Variants in CCT6B observed in about 807,000 individuals in gnomAD.
CCT6B encodes chaperonin containing TCP1 subunit 6B, also known as probable T-complex protein 1 subunit zeta-2.
Under a neutral mutation model 61.5 loss-of-function variants are expected in CCT6B, and 49 were observed. That is an observed-to-expected ratio of 0.80 (90% CI 0.63 to 1.01). CCT6B has a LOEUF of 1.01. Ranked by LOEUF, CCT6B falls within the 50% of genes least tolerant of loss-of-function variation. The pLI, the probability that CCT6B is intolerant of heterozygous loss-of-function variation, is 0.00. For synonymous variants in CCT6B, 228 were observed against 214.5 expected (o/e 1.06, Z -0.55); for missense variants, 666 against 634.7 (o/e 1.05, Z -0.53).
intron 4 of CCT6B, among the ~76,000 whole-genome samples, chr17:34,953,136 A>G (rs965947838): frequency 4.6e-5 from 7 of 152,210 alleles, no homozygotes; most frequent in Admixed American, 6.5e-5. Context: ...TTATTAAGGT[A>G]GTATTCTGCT....
chr17:34,939,945 T>G (rs1597744528), intron 8 of CCT6B, among the ~76,000 whole-genome samples: 1 of 152,302 alleles, frequency 6.6e-6, no homozygotes, highest in African/African-American at 2.4e-5. Flanking sequence ...ATATTGCCTA[T>G]GTGAGGCTTG....
In CCT6B at chr17:34,953,318, A is replaced by AATATATATAT. The variant is rs757786280; in HGVS notation, c.510+1098_510+1107dup. Among the ~76,000 whole-genome samples, 1,194 of 141,026 alleles carry AATATATATAT rather than the reference A, an allele frequency of 8.5e-3. 4 individuals are homozygous for AATATATATAT. The highest frequency in any genetic ancestry group is 0.02 in the Admixed American group (265 of 13,426). 92.5% of individuals were successfully genotyped at this position (141,026 alleles called of 152,430 possible). A position where few individuals can be genotyped will look rare whatever the true frequency, so the allele number is the denominator to read the frequency against. ...TCCAGCCAATCTTGTCTTTATATAA[A>AATATATATAT]ATATATATATATATATATATATATT... On this transcript the variant is annotated intron_variant, in intron 4 of 13. Coordinates refer to ENST00000314144, the MANE Select transcript of CCT6B (RefSeq NM_006584.4).
At chr17:34,931,810 T>C (rs1008583076) in intron 11 of CCT6B, among the ~76,000 whole-genome samples, 1 of 152,196 alleles carries the variant, frequency 6.6e-6, no homozygotes, top group African/African-American at 2.4e-5. Context: ...TTACTATATT[T>C]CTAAGGTGGT....
chr17:34,928,970 A>ACACAAT lies in CCT6B; in HGVS notation c.1514_1515insATTGTG (p.Leu505_His506insLeuCys). On this transcript the variant is annotated inframe_insertion, in exon 13 of 14. Transcript: ENST00000314144. ...TGTTCATATGAACTTACCAAGAGTGAAGAAGTTGTTTTTTTACACAATAAT... is the reference window on the plus strand; with the variant it reads ...TGTTCATATGAACTTACCAAGAGTGACACAATAGAAGTTGTTTTTTTACACAATAAT... The ACACAAT allele has an allele frequency of 1.3e-6, 2 of 1,576,266 alleles. No individual in the cohort carries two copies. Among genetic ancestry groups the ACACAAT allele is most frequent in the Non-Finnish European group, 1.7e-6 (2 of 1,146,444 alleles).
At chr17:34,952,425 C>T (rs2090302633) in intron 4 of CCT6B, among the ~76,000 whole-genome samples, 1 of 152,170 alleles carries the variant, frequency 6.6e-6, no homozygotes, top group African/African-American at 2.4e-5. Flanking sequence ...ACTATCCAAA[C>T]TTTTCCACCA....
intron 4 of CCT6B, 47 bp downstream of exon 4, chr17:34,954,379 A>G (rs990527638): frequency 9.3e-6 from 13 of 1,393,294 alleles, no homozygotes; most frequent in African/African-American, 1.5e-5. Flanking sequence ...AAATATCACC[A>G]TGCATTAGGC....
At chr17:34,929,681 T>C (rs2090013350) in intron 12 of CCT6B, among the ~76,000 whole-genome samples, 1 of 151,790 alleles carries the variant, frequency 6.6e-6, no homozygotes, top group African/African-American at 2.4e-5. Context: ...CCCCGGCTAA[T>C]TTTTGCATTT....
At chr17:34,954,143 T>C (rs1272527112) in intron 4 of CCT6B, among the ~76,000 whole-genome samples, 1 of 152,114 alleles carries the variant, frequency 6.6e-6, no homozygotes, top group Non-Finnish European at 1.5e-5. Flanking sequence ...AAGACCAGTA[T>C]ACTATTCAAG....
At chr17:34,951,451 T>C (rs896621652) in intron 5 of CCT6B, among the ~76,000 whole-genome samples, 1 of 152,210 alleles carries the variant, frequency 6.6e-6, no homozygotes, top group African/African-American at 2.4e-5. Flanking sequence ...TCTCTCTATA[T>C]ATGTTCACAG....
chr17:34,935,212 A>G (rs2090080390), intron 10 of CCT6B, among the ~76,000 whole-genome samples: 1 of 152,200 alleles, frequency 6.6e-6, no homozygotes, highest in Non-Finnish European at 1.5e-5. Context: ...TCATAGAGAC[A>G]GAAAGTAGAA....
At chr17:34,950,071 A>G (rs1035001199) in intron 5 of CCT6B, among the ~76,000 whole-genome samples, 1 of 152,218 alleles carries the variant, frequency 6.6e-6, no homozygotes, top group African/African-American at 2.4e-5. Context: ...TCTGACCACA[A>G]TGTAATTAAG....
At chr17:34,955,325 A>G (rs1398774199) in intron 3 of CCT6B, among the ~76,000 whole-genome samples, 3 of 152,224 alleles carry the variant, frequency 2.0e-5, no homozygotes, top group African/African-American at 7.2e-5. Flanking sequence ...GATAACAGTA[A>G]TGTATCAATG....
chr17:34,942,754 G>GA (rs752502054), intron 6 of CCT6B, 42 bp downstream of exon 6: 928 of 1,494,204 alleles, frequency 6.2e-4, no homozygotes, highest in South Asian at 7.9e-4. Context: ...AACACCTTTA[G>GA]AAAAAAAAAT....
chr17:34,935,437 AT>A (rs1383523521), intron 10 of CCT6B, among the ~76,000 whole-genome samples: 1 of 152,264 alleles, frequency 6.6e-6, no homozygotes, highest in Non-Finnish European at 1.5e-5. Context: ...AATTTAAAAA[AT>A]AATTTTAAAA....
At position 34,954,494 on chromosome 17, in the gene CCT6B, G is replaced by A. The variant is rs764453241; in HGVS notation, c.442C>T (p.Leu148Phe). The change falls in exon 4 of 14, where the codon CTC becomes TTC. Residue 148 changes from leucine to phenylalanine, a missense_variant. Leu to Phe is a conservative substitution (Grantham distance 22). Coordinates refer to ENST00000314144, the MANE Select transcript of CCT6B (RefSeq NM_006584.4). ...AATGATGTTCTAGCTACATCTAAGA[G>A]GATTTTTCTTTTCATCTCCTTTGTC... ...KVTKEMKRKI[L>F]LDVARTSLQT... 6.2e-7 allele frequency: 1 copy of A among 1,613,500 alleles called. No homozygotes were observed. Among genetic ancestry groups the A allele is most frequent in the Non-Finnish European group, 8.5e-7 (1 of 1,179,654 alleles).
rs1376113682 is a variant in CCT6B, at chr17:34,932,461, A to G, written c.1253T>C (p.Met418Thr). 3.7e-5 allele frequency: 59 copies of G among 1,612,326 alleles called. No homozygotes were observed. The highest frequency in any genetic ancestry group is 4.6e-5 in the Non-Finnish European group (54 of 1,179,376). Residue 418 changes from methionine (M) to threonine (T), a missense_variant, in exon 11 of 14, where the codon ATG (methionine) becomes ACG (threonine). Met to Thr is a moderately conservative substitution (Grantham distance 81). Coordinates refer to ENST00000314144, the MANE Select transcript of CCT6B (RefSeq NM_006584.4). ...CTTATATGTAACAAGAGCTTCAGCC[A>G]TTGCCACTTCAATTGCACCAGCTCC... is the stretch of plus-strand genomic sequence containing the variant. The part of the protein sequence containing the change: ...VPGAGAIEVA[M>T]AEALVTYKNS...
chr17:34,934,283 T>G (rs77189975), intron 10 of CCT6B, among the ~76,000 whole-genome samples: 1 of 152,002 alleles, frequency 6.6e-6, no homozygotes, highest in African/African-American at 2.4e-5. Flanking sequence ...TCTACAGATA[T>G]TAAAAAGAAT....
At chr17:34,940,989 C>A (rs1039419494) in intron 7 of CCT6B, among the ~76,000 whole-genome samples, 1 of 152,124 alleles carries the variant, frequency 6.6e-6, no homozygotes, top group Non-Finnish European at 1.5e-5. Flanking sequence ...ATTCAGTATT[C>A]AATTTGGAAT....
intron 12 of CCT6B, among the ~76,000 whole-genome samples, chr17:34,929,496 T>C: frequency 1.5e-5 from 2 of 130,906 alleles, no homozygotes; most frequent in Non-Finnish European, 1.7e-5. Flanking sequence ...TCTTTCTTTT[T>C]TTTTTTTTTT....
Sources: gnomAD v4.1 joint callset for allele counts (sites outside exome capture counted in the v4.1 genomes callset) on GRCh38, gnomAD v4.1.1 for gene constraint, MANE v1.5 for transcripts, NCBI Gene and HGNC (gene_info 2026-07-23, HGNC 2026-07-21) for gene names.